Variants in RNF207 observed in about 807,000 individuals in gnomAD.
RNF207 encodes OTTHUMG00000001089.
Under a neutral mutation model 79.0 loss-of-function variants are expected in RNF207, and 72 were observed. The observed-to-expected ratio is 0.91, with a 90% CI of 0.75 to 1.11. The LOEUF (loss-of-function observed/expected upper bound fraction) is 1.11. Ranked by LOEUF, RNF207 falls within the 50% of genes least tolerant of loss-of-function variation. The pLI, the probability that RNF207 is intolerant of heterozygous loss-of-function variation, is 0.00. For synonymous variants in RNF207, 348 were observed against 366.2 expected (o/e 0.95, Z 0.57); for missense variants, 936 against 855.8 (o/e 1.09, Z -1.17).
intron 10 of RNF207, 58 bp downstream of exon 10, chr1:6,210,496 C>T (rs1336013476): frequency 1.4e-6 from 2 of 1,390,006 alleles, no homozygotes; most frequent in Non-Finnish European, 2.0e-6. Flanking sequence ...ACCCTGCAGA[C>T]CAAAGCCACC....
At chr1:6,209,604 T>C (rs1668073954) in intron 7 of RNF207, 65 bp downstream of exon 7, 3 of 1,404,794 alleles carry the variant, frequency 2.1e-6, no homozygotes, top group Non-Finnish European at 2.8e-6. Context: ...GCTGGTCCCT[T>C]GCCCTTGTGG....
At chr1:6,213,933 T>A in intron 16 of RNF207, among the ~76,000 whole-genome samples, 1 of 152,312 alleles carries the variant, frequency 6.6e-6, no homozygotes, top group African/African-American at 2.4e-5. Flanking sequence ...GTCTAGGGAA[T>A]GGCTGGAGCC....
intron 3 of RNF207, 158 bp from the exon 4 acceptor site, chr1:6,208,723 A>T (rs1571200632): frequency 1.4e-6 from 1 of 714,142 alleles, no homozygotes; most frequent in Non-Finnish European, 2.2e-6. Flanking sequence ...AAGTGGGTAT[A>T]TCAGAGCGCC....
rs761380296 is a variant in RNF207 at position 6,212,701 on chromosome 1, A to G, written c.1502A>G (p.Gln501Arg). The change falls in exon 15 of 18, where the codon CAG becomes CGG. Residue 501 changes from glutamine (Q) to arginine (R), a missense_variant. Gln to Arg is a conservative substitution (Grantham distance 43, BLOSUM62 1). Coordinates refer to ENST00000377939, the MANE Select transcript of RNF207 (RefSeq NM_207396.3). ...TTTCAGATTTGGGAGGAAGCCTATCAGCGAGTGGCTAATGAGCAGGAGATT... is the reference window on the plus strand; with the variant it reads ...TTTCAGATTTGGGAGGAAGCCTATCGGCGAGTGGCTAATGAGCAGGAGATT... ...VFQEIWEEAY[Q>R]RVANEQEIYE... The G allele has an allele frequency of 6.2e-7, 1 of 1,613,978 alleles. No homozygotes were observed.
rs1456353817 is a variant in RNF207, at chr1:6,206,227, G to A, written c.-76G>A. On this transcript the variant is annotated 5_prime_UTR_variant, in exon 1 of 18. Transcript: ENST00000377939. The stretch of plus-strand genomic sequence containing the variant: ...CGCGCGGTGTCTCAGAGCGCGGCCC[G>A]GAGCCGCACTAAGAGCGCTGGACGG... The A allele has an allele frequency of 6.0e-6, 2 of 333,284 alleles. No individual in the cohort carries two copies. Among genetic ancestry groups the A allele is most frequent in the African/African-American group, 2.2e-5 (1 of 46,130 alleles). The allele number at this position is 333,284 out of a possible 1,614,324, so 20.6% of individuals were successfully genotyped here. A position where few individuals can be genotyped will look rare whatever the true frequency, so the allele number is the denominator to read the frequency against.
In RNF207 at chr1:6,219,731, T is replaced by C. The variant is rs1281037866; in HGVS notation, c.*324T>C. The C allele has an allele frequency of 6.2e-6, 1 of 162,298 alleles. No homozygotes were observed. The highest frequency in any genetic ancestry group is 1.3e-5 in the Non-Finnish European group (1 of 74,762). 10.1% of individuals were successfully genotyped at this position (162,298 alleles called of 1,614,324 possible). A position where few individuals can be genotyped will look rare whatever the true frequency, so the allele number is the denominator to read the frequency against. On this transcript the variant is annotated 3_prime_UTR_variant, in exon 18 of 18. Transcript: ENST00000377939. ...CTGGTCTCAAACGCCAGACCTCAGG[T>C]GATCCACCTGCCTCAGCCTCCCAAA...
intron 10 of RNF207, 87 bp from the exon 11 acceptor site, chr1:6,210,783 G>T: frequency 8.2e-7 from 1 of 1,222,134 alleles, no homozygotes. Flanking sequence ...AAGTGCCAAA[G>T]ACAGACGTGC....
chr1:6,216,940 GC>G (rs1668382164), intron 16 of RNF207, among the ~76,000 whole-genome samples: 1 of 151,912 alleles, frequency 6.6e-6, no homozygotes, highest in Non-Finnish European at 1.5e-5. Flanking sequence ...CTCAATCACA[GC>G]TCACTGCAGC....
rs764925192 is a variant in RNF207 at position 6,211,102 on chromosome 1, G to A, written c.1093G>A (p.Ala365Thr). Reference sequence around the variant, plus strand: ...GGGGCCACGTCGGGTGGCAGCTGCTGCAAGTGGTGCTAACACGTGAGCAGC... The same window carrying A: ...GGGGCCACGTCGGGTGGCAGCTGCTACAAGTGGTGCTAACACGTGAGCAGC... ...LLGPRRVAAA[A>T]SGANTLAGGL... The change falls in exon 12 of 18, where the codon GCA (alanine) becomes ACA (threonine). Residue 365 changes from alanine (A) to threonine (T), a missense_variant. By Grantham distance (58) the Ala-to-Thr change is moderately conservative. Coordinates refer to ENST00000377939, the MANE Select transcript of RNF207 (RefSeq NM_207396.3). This position sits in a 1 kb window ranked among gnomAD's most constrained non-coding sequence, Gnocchi z 4.2. 12 of 1,596,866 alleles carry A rather than the reference G, an allele frequency of 7.5e-6. No homozygotes were observed. The highest frequency in any genetic ancestry group is 9.3e-6 in the Non-Finnish European group (11 of 1,176,608).
At chr1:6,212,094 A>AC (rs1280189032) in intron 13 of RNF207, 41 bp downstream of exon 13, 1 of 1,561,862 alleles carries the variant, frequency 6.4e-7, no homozygotes, top group Admixed American at 1.8e-5. Context: ...AGATGTCCTA[A>AC]CCCACTCCTC....
Position 6,218,305 on chromosome 1 carries a change from G to A in RNF207, c.1669G>A (p.Asp557Asn). The change falls in exon 17 of 18, where the codon GAT becomes AAT. Residue 557 changes from aspartate to asparagine, a missense_variant. Physicochemically the swap from Asp to Asn is conservative, Grantham distance 23 (BLOSUM62 1). Coordinates refer to ENST00000377939, the MANE Select transcript of RNF207 (RefSeq NM_207396.3). ...CCTTGCCAGGTTTCAGGCACCCGTG[G>A]ATGAGCAGTCAGAGAGTCTACAGAA... ...RLEPRFQAPV[D>N]EQSESLQNTH... 1 of 1,614,040 alleles carries A rather than the reference G, an allele frequency of 6.2e-7. No individual in the cohort carries two copies. The highest frequency in any genetic ancestry group is 1.1e-5 in the South Asian group (1 of 91,074).
chr1:6,213,047 T>C lies in RNF207; in HGVS notation c.1535-19T>C, dbSNP rs767325608. Reference sequence around the variant, plus strand: ...ATGCTTCAGGATTAAGACCCCATGCTCTGGCCTTGGCCCCACAGCCCAGCT... The same window carrying C: ...ATGCTTCAGGATTAAGACCCCATGCCCTGGCCTTGGCCCCACAGCCCAGCT... On this transcript the variant is annotated intron_variant, in intron 15 of 17. Transcript: ENST00000377939. 4.6e-6 allele frequency: 7 copies of C among 1,535,110 alleles called. No homozygotes were observed.
chr1:6,209,606 C>A, intron 7 of RNF207, 67 bp downstream of exon 7: 1 of 1,401,394 alleles, frequency 7.1e-7, no homozygotes, highest in East Asian at 2.7e-5. Flanking sequence ...TGGTCCCTTG[C>A]CCTTGTGGAT....
rs549040400 is a variant in RNF207, at chr1:6,211,345, G to A, written c.1109+227G>A. The stretch of plus-strand genomic sequence containing the variant: ...CTGGACCTGAAGTCCATGGCAGACC[G>A]GGCTCGGAGCTTGGCTAAAGGAGGA... On this transcript the variant is annotated intron_variant, in intron 12 of 17. Transcript: ENST00000377939. This position sits in a 1 kb window ranked among gnomAD's most constrained non-coding sequence, Gnocchi z 4.2. 2.6e-5 allele frequency among the ~76,000 whole-genome samples: 4 copies of A among 152,170 alleles called. No homozygotes were observed. Among genetic ancestry groups the A allele is most frequent in the African/African-American group, 7.2e-5 (3 of 41,436 alleles).
In RNF207 at chr1:6,207,838, G is replaced by A. The variant is rs1379331779; in HGVS notation, c.324+327G>A. 6 of 523,204 alleles carry A rather than the reference G, an allele frequency of 1.1e-5. No homozygotes were observed. Among genetic ancestry groups the A allele is most frequent in the Middle Eastern group, 5.8e-4 (2 of 3,422 alleles). The allele number at this position is 523,204 out of a possible 1,614,324, so 32.4% of individuals were successfully genotyped here. ...CAGTTTGCAGGCCTGGGCCGACCCTGAAGGGCCTCTGCTACCCAAGTGGCA... is the reference window on the plus strand; with the variant it reads ...CAGTTTGCAGGCCTGGGCCGACCCTAAAGGGCCTCTGCTACCCAAGTGGCA... On this transcript the variant is annotated intron_variant, in intron 3 of 17. Coordinates refer to ENST00000377939, the MANE Select transcript of RNF207 (RefSeq NM_207396.3). This position sits in a 1 kb window ranked among gnomAD's most constrained non-coding sequence, Gnocchi z 4.5.
intron 16 of RNF207, among the ~76,000 whole-genome samples, chr1:6,216,322 T>TAA (rs1167491641): frequency 1.3e-5 from 2 of 152,124 alleles, no homozygotes; most frequent in Admixed American, 1.3e-4. Flanking sequence ...TCTGCAGAAA[T>TAA]AAATTGAGGC....
At chr1:6,216,389 G>C (rs941550333) in intron 16 of RNF207, among the ~76,000 whole-genome samples, 2 of 152,128 alleles carry the variant, frequency 1.3e-5, no homozygotes, top group Admixed American at 1.3e-4. Context: ...CTCCTCTTCA[G>C]AGCAGCCACT....
chr1:6,209,109 C>T lies in RNF207; in HGVS notation c.470-6C>T. On this transcript the variant is annotated splice_polypyrimidine_tract_variant and splice_region_variant and intron_variant, in intron 4 of 17. Coordinates refer to ENST00000377939, the MANE Select transcript of RNF207 (RefSeq NM_207396.3). ...GAGCCCTCACCACCGCCCGCCGCCCCCGCAGCGCTGCACGCAGAGCCCTAC... is the reference window on the plus strand; with the variant it reads ...GAGCCCTCACCACCGCCCGCCGCCCTCGCAGCGCTGCACGCAGAGCCCTAC... 6.4e-7 allele frequency: 1 copy of T among 1,551,786 alleles called. No individual in the cohort carries two copies.
At chr1:6,208,647 CG>C in intron 3 of RNF207, 4 of 540,278 alleles carry the variant, frequency 7.4e-6, no homozygotes, top group East Asian at 3.4e-5. Flanking sequence ...GCCCTCTCCC[CG>C]CGTCCCCCAC....
Sources: gnomAD v4.1 joint callset for allele counts (sites outside exome capture counted in the v4.1 genomes callset) on GRCh38, gnomAD v4.1.1 for gene constraint, Gnocchi (gnomAD v3.1) non-coding constraint, MANE v1.5 for transcripts, NCBI Gene and HGNC (gene_info 2026-07-23, HGNC 2026-07-21) for gene names.